The following GALNS variants were observed in gnomAD, a reference collection of about 807,000 sequenced individuals.
GALNS encodes the protein N-acetylgalactosamine-6-sulfatase.
A neutral mutation model predicts 65.9 loss-of-function variants in GALNS; 65 were observed. The ratio of observed to expected loss-of-function variants is 0.99; its 90% CI spans 0.81 to 1.21. The LOEUF (loss-of-function observed/expected upper bound fraction) is 1.21. GALNS is among the 50% of genes most tolerant of loss of function. The pLI is 0.00. For missense variants in GALNS, 776 were observed against 700.7 expected, an observed-to-expected ratio of 1.11 and a Z score of -1.21; for synonymous variants, 346 against 288.9, an observed-to-expected ratio of 1.20 and a Z score of -2.00.
At chr16:88,856,041 T>G (rs1157184105) in intron 1 of GALNS, 1 of 636,820 alleles carries the variant, frequency 1.6e-6, no homozygotes, top group African/African-American at 1.8e-5. Flanking sequence ...TCTGGGGTCC[T>G]GCACGGTGAC....
chr16:88,853,251 C>CAAAAA (rs34618279), intron 1 of GALNS, among the ~76,000 whole-genome samples: 11 of 64,602 alleles, frequency 1.7e-4, no homozygotes, highest in Admixed American at 5.4e-4. Context: ...GACTCCATCT[C>CAAAAA]AAAAAAAAAA....
At chr16:88,836,892 C>A (rs1786554202) in intron 5 of GALNS, among the ~76,000 whole-genome samples, 1 of 152,206 alleles carries the variant, frequency 6.6e-6, no homozygotes, top group South Asian at 2.1e-4. Context: ...GCCGCTCAGG[C>A]CATGGGGCTC....
In GALNS at chr16:88,837,615, C is replaced by G; in HGVS notation, c.566+7G>C. The G allele has an allele frequency of 6.2e-7, 1 of 1,612,508 alleles. No homozygotes were observed. The highest frequency in any genetic ancestry group is 1.1e-5 in the South Asian group (1 of 91,022). On this transcript the variant is annotated splice_region_variant and intron_variant, in intron 5 of 13. Coordinates refer to ENST00000268695, the MANE Select transcript of GALNS (RefSeq NM_000512.5). ...ACGTGGGAGGGGAAGGGGTGGGGCTCCATTACCTGCCAACCATCTCCCAGT... is the reference window on the plus strand; with the variant it reads ...ACGTGGGAGGGGAAGGGGTGGGGCTGCATTACCTGCCAACCATCTCCCAGT...
chr16:88,814,209 G>A lies in GALNS; in HGVS notation c.*230C>T. On this transcript the variant is annotated 3_prime_UTR_variant, in exon 14 of 14. Transcript: ENST00000268695. ...GGGTCCTGAGGTCTGAGGCGCCGTG[G>A]GCGAGGAGGAGGGTCCTGAAATCTG... The A allele has an allele frequency of 1.6e-6, 1 of 613,456 alleles. No individual in the cohort carries two copies. The highest frequency in any genetic ancestry group is 4.4e-4 in the Middle Eastern group (1 of 2,264). The allele number at this position is 613,456 out of a possible 1,614,324, so 38.0% of individuals were successfully genotyped here. A position where few individuals can be genotyped will look rare whatever the true frequency, so the allele number is the denominator to read the frequency against.
At chr16:88,816,892 G>A in intron 13 of GALNS, 1 of 985,464 alleles carries the variant, frequency 1.0e-6, no homozygotes, top group Non-Finnish European at 1.2e-6. Flanking sequence ...CAGGGGCTGT[G>A]GGCAGCCACG....
rs377250967 is a variant in GALNS, at chr16:88,841,964, C to T, written c.252G>A (p.Ala84=). ...SANPLCSPSR[A]ALLTGRLPIR... is the part of the protein sequence containing the mutation. ...TGGGTAGCCGTCCTGTGAGCAGTGCCGCCCTCGCTATGTGGAGGTGACAGA... is the reference window on the plus strand; with the variant it reads ...TGGGTAGCCGTCCTGTGAGCAGTGCTGCCCTCGCTATGTGGAGGTGACAGA... Residue 84 remains alanine (A), a synonymous_variant, in exon 3 of 14, where the codon GCG becomes GCA. Transcript: ENST00000268695. The T allele has an allele frequency of 7.8e-5, 125 of 1,612,450 alleles. No individual in the cohort carries two copies. In the African/African-American group the frequency reaches 1.1e-3, roughly 14 times the overall value.
At chr16:88,823,148 A>G (rs987760732) in intron 11 of GALNS, among the ~76,000 whole-genome samples, 1 of 151,996 alleles carries the variant, frequency 6.6e-6, no homozygotes, top group Admixed American at 6.6e-5. Context: ...TCTGCTGGGG[A>G]AGGGAGGGGA....
intron 12 of GALNS, among the ~76,000 whole-genome samples, chr16:88,821,724 A>C (rs1205704998): frequency 6.6e-6 from 1 of 152,034 alleles, no homozygotes; most frequent in Non-Finnish European, 1.5e-5. Context: ...CACCGGCCCT[A>C]CTCAAACCCA....
At chr16:88,820,013 C>T (rs916432657) in intron 12 of GALNS, among the ~76,000 whole-genome samples, 1 of 151,672 alleles carries the variant, frequency 6.6e-6, no homozygotes, top group Non-Finnish European at 1.5e-5. Context: ...TTTTCTGTAC[C>T]AGTAAGGTCT....
At chr16:88,837,881 C>G (rs769092815) in intron 4 of GALNS, 116 bp from the exon 5 acceptor site, 8 of 1,083,432 alleles carry the variant, frequency 7.4e-6, no homozygotes, top group Admixed American at 1.8e-5. Context: ...CCCTCCAGCA[C>G]TGAGTATGGG....
chr16:88,836,293 A>T (rs779454108), intron 5 of GALNS, 26 bp from the exon 6 acceptor site: 2 of 1,590,850 alleles, frequency 1.3e-6, no homozygotes, highest in Admixed American at 3.4e-5. Context: ...ATCCAGACAG[A>T]CTTCAGAATT....
chr16:88,826,854 G>A lies in GALNS; in HGVS notation c.1003-16C>T, dbSNP rs1184887159. ...GGTGGCTCACCTGAAACACATGGCA[G>A]CAACACGGTCAGGGCACTCTGCACC... On this transcript the variant is annotated splice_polypyrimidine_tract_variant and intron_variant, in intron 9 of 13. Transcript: ENST00000268695. 8 of 1,564,620 alleles carry A rather than the reference G, an allele frequency of 5.1e-6. No individual in the cohort carries two copies. The highest frequency in any genetic ancestry group is 5.2e-6 in the Non-Finnish European group (6 of 1,155,434).
At chr16:88,855,107 G>A (rs1379199475) in intron 1 of GALNS, 2 of 483,140 alleles carry the variant, frequency 4.1e-6, no homozygotes, top group East Asian at 5.1e-5. Flanking sequence ...AGCCACATTA[G>A]AAAAGCAGAA....
rs781256424 is a variant in GALNS, at chr16:88,835,817, C to T, written c.666G>A (p.Arg222=). The change falls in exon 7 of 14, where the codon CGG becomes CGA. Residue 222 remains arginine, a synonymous_variant. Transcript: ENST00000268695. ...CCCAGTAGAGGAAAAAGGGGTGGTG[C>T]CGTGCCTGTCTCTTAATGAAGTCCA... ...EALDFIKRQA[R]HHPFFLYWAV... 1.9e-6 allele frequency: 3 copies of T among 1,614,182 alleles called. No individual in the cohort carries two copies. Among genetic ancestry groups the T allele is most frequent in the Middle Eastern group, 1.7e-4 (1 of 6,060 alleles).
chr16:88,814,604 T>A (rs1909439557), intron 13 of GALNS, 79 bp from the exon 14 acceptor site: 1 of 1,545,220 alleles, frequency 6.5e-7, no homozygotes, highest in East Asian at 2.5e-5. Flanking sequence ...CATTTTGTTG[T>A]TGCTGTTCTG....
intron 4 of GALNS, among the ~76,000 whole-genome samples, chr16:88,839,191 T>A (rs1437285639): frequency 6.8e-6 from 1 of 147,158 alleles, no homozygotes; most frequent in Non-Finnish European, 1.5e-5. Context: ...CAGGGGACAC[T>A]CGTGCGCCCA....
intron 13 of GALNS, chr16:88,816,850 G>GGGCC: frequency 1.0e-6 from 1 of 985,472 alleles, no homozygotes; most frequent in Non-Finnish European, 1.2e-6. Flanking sequence ...AGCTGCCGAG[G>GGGCC]GGCCTTCTTC....
At chr16:88,831,956 G>T (rs1911548845) in intron 9 of GALNS, 42 bp downstream of exon 9, 1 of 1,562,192 alleles carries the variant, frequency 6.4e-7, no homozygotes, top group Non-Finnish European at 8.8e-7. Flanking sequence ...ATGGCTGCAG[G>T]CCTGGACCTG....
At chr16:88,851,111 T>C (rs1264941503) in intron 1 of GALNS, among the ~76,000 whole-genome samples, 1 of 152,144 alleles carries the variant, frequency 6.6e-6, no homozygotes, top group Non-Finnish European at 1.5e-5. Context: ...TTCTTGGCTA[T>C]GAAAAGCAGG....
Sources: gnomAD v4.1 joint callset for allele counts (sites outside exome capture counted in the v4.1 genomes callset) on GRCh38, gnomAD v4.1.1 for gene constraint, MANE v1.5 for transcripts, NCBI Gene and HGNC (gene_info 2026-07-23, HGNC 2026-07-21) for gene names.